Variants in FOXP1 observed in about 807,000 individuals in gnomAD.
FOXP1 encodes forkhead box P1, also known as forkhead box protein P1.
FOXP1 carries 15 observed loss-of-function variants against 98.2 expected under a neutral mutation model. The ratio of observed to expected loss-of-function variants is 0.15; its 90% confidence interval spans 0.10 to 0.24. The LOEUF is 0.24. Ranked by LOEUF, FOXP1 falls within the 10% of genes least tolerant of loss-of-function variation. The probability of loss-of-function intolerance (pLI) is 1.00; values close to 1 mark genes in which losing one functional copy is unlikely to be tolerated. For synonymous variants in FOXP1, 371 were observed against 314.5 expected, an observed-to-expected ratio of 1.18 and a Z score of -1.90; for missense variants, 633 against 848.5, an observed-to-expected ratio of 0.75 and a Z score of 3.15.
intron 4 of FOXP1, among the ~76,000 whole-genome samples, chr3:71,331,208 G>T (rs1025444781): frequency 6.6e-6 from 1 of 152,194 alleles, no homozygotes; most frequent in African/African-American, 2.4e-5. Context: ...GAGTGGGCTC[G>T]GCGGCCCCGC....
intron 3 of FOXP1, among the ~76,000 whole-genome samples, chr3:71,388,096 A>AT (rs901325212): frequency 1.3e-5 from 2 of 151,932 alleles, no homozygotes; most frequent in African/African-American, 4.8e-5. Context: ...TTCTAACTTT[A>AT]TTTTTTTTAA....
At chr3:71,443,476 G>A (rs576853233) in intron 3 of FOXP1, among the ~76,000 whole-genome samples, 32 of 152,294 alleles carry the variant, frequency 2.1e-4, no homozygotes, top group African/African-American at 3.8e-4. Context: ...CACGTCTGTC[G>A]GTCTAACAAG....
At chr3:71,001,592 G>T (rs531682358) in intron 12 of FOXP1, among the ~76,000 whole-genome samples, 3 of 152,222 alleles carry the variant, frequency 2.0e-5, no homozygotes, top group South Asian at 2.1e-4. Flanking sequence ...TACCAATGGT[G>T]GGGGGTGGGG....
chr3:71,221,773 A>C (rs576505065), intron 5 of FOXP1, among the ~76,000 whole-genome samples: 1 of 152,230 alleles, frequency 6.6e-6, no homozygotes, highest in African/African-American at 2.4e-5. Context: ...TCCTGTCTCT[A>C]TGTTTCTACC....
At chr3:70,965,799 A>T (rs2034636917) in intron 20 of FOXP1, 91 bp downstream of exon 20, 5 of 1,267,326 alleles carry the variant, frequency 3.9e-6, no homozygotes, top group Non-Finnish European at 4.6e-6. Flanking sequence ...CAGAAAAGGT[A>T]TATAAAGCCC....
Position 71,222,659 on chromosome 3 carries a change from T to A in FOXP1, c.-11-24267A>T, listed in dbSNP as rs570655544. The stretch of plus-strand genomic sequence containing the variant: ...GTCTCGAACTCCTGACCTCAGGTTA[T>A]CTGCCTGCCTTGGCCTCCCAAAGCC... On this transcript the variant is annotated intron_variant, in intron 5 of 20. Transcript: ENST00000649528. Among the ~76,000 whole-genome samples the A allele has an allele frequency of 9.2e-5, 14 of 152,346 alleles. No homozygotes were observed. The South Asian group carries it at 2.7e-3, about 29-fold the overall frequency.
chr3:71,055,048 C>CA (rs2050433734), intron 7 of FOXP1, among the ~76,000 whole-genome samples: 1 of 151,956 alleles, frequency 6.6e-6, no homozygotes, highest in African/African-American at 2.4e-5. Context: ...GAGCAGTAAG[C>CA]AAAAGGCAGA....
At chr3:71,400,468 G>A (rs1283293634) in intron 3 of FOXP1, among the ~76,000 whole-genome samples, 4 of 151,786 alleles carry the variant, frequency 2.6e-5, no homozygotes, top group Non-Finnish European at 2.9e-5. Flanking sequence ...ATCGATTCTC[G>A]TGCCTCAGCC....
chr3:71,044,261 G>A (rs925371759), intron 10 of FOXP1, among the ~76,000 whole-genome samples: 3 of 152,146 alleles, frequency 2.0e-5, no homozygotes, highest in South Asian at 2.1e-4. Context: ...ATAATAGTAC[G>A]AAGTTAAACA....
chr3:71,086,430 T>G (rs2055101960), intron 7 of FOXP1, among the ~76,000 whole-genome samples: 1 of 152,206 alleles, frequency 6.6e-6, no homozygotes, highest in Non-Finnish European at 1.5e-5. Context: ...GACAACAACA[T>G]ATACAAACAT....
intron 3 of FOXP1, among the ~76,000 whole-genome samples, chr3:71,462,512 C>T (rs958838908): frequency 1.3e-5 from 2 of 152,186 alleles, no homozygotes; most frequent in African/African-American, 4.8e-5. Flanking sequence ...TAAAGTTCTC[C>T]TTCTTGGTAA....
chr3:71,434,843 C>T (rs1016084081), intron 3 of FOXP1, among the ~76,000 whole-genome samples: 1 of 152,030 alleles, frequency 6.6e-6, no homozygotes, highest in Non-Finnish European at 1.5e-5. Context: ...TACACACATG[C>T]CTGCACACAC....
intron 5 of FOXP1, among the ~76,000 whole-genome samples, chr3:71,279,656 TTAGA>T (rs1175236791): frequency 6.6e-6 from 1 of 152,144 alleles, no homozygotes; most frequent in Non-Finnish European, 1.5e-5. Flanking sequence ...GTAGAAATGG[TTAGA>T]TAAACTGCGA....
At chr3:71,356,779 C>A (rs906151129) in intron 4 of FOXP1, among the ~76,000 whole-genome samples, 4 of 152,192 alleles carry the variant, frequency 2.6e-5, no homozygotes, top group Non-Finnish European at 5.9e-5. Context: ...CCTGTATCCA[C>A]AGGAGGCATC....
chr3:71,016,656 AACACAC>A lies in FOXP1; in HGVS notation c.870-1009_870-1004del, dbSNP rs4056100. Among the ~76,000 whole-genome samples the A allele has an allele frequency of 4.0e-3, 581 of 146,238 alleles. 2 individuals are homozygous for A. The highest frequency in any genetic ancestry group is 0.013 in the African/African-American group (500 of 39,760). On this transcript the variant is annotated intron_variant, in intron 11 of 20. Coordinates refer to ENST00000649528, the MANE Select transcript of FOXP1 (RefSeq NM_001349338.3). ...AAGCACAATGAATGATGATTACAAG[AACACAC>A]ACACACACACACACACACACACACA...
chr3:71,100,034 G>A (rs1463694660), intron 7 of FOXP1, among the ~76,000 whole-genome samples: 1 of 152,172 alleles, frequency 6.6e-6, no homozygotes, highest in African/African-American at 2.4e-5. Flanking sequence ...ACTTCCCAGA[G>A]AAAAAGACCT....
At chr3:71,202,943 G>T (rs1329341641) in intron 5 of FOXP1, among the ~76,000 whole-genome samples, 1 of 152,144 alleles carries the variant, frequency 6.6e-6, no homozygotes, top group Non-Finnish European at 1.5e-5. Flanking sequence ...CTTCGAGGAA[G>T]CTTGTCTCAG....
intron 3 of FOXP1, among the ~76,000 whole-genome samples, chr3:71,465,012 GA>G (rs1299048668): frequency 6.6e-6 from 1 of 152,092 alleles, no homozygotes; most frequent in African/African-American, 2.4e-5. Flanking sequence ...GCACTTAGAA[GA>G]TGGCCAGGCT....
intron 2 of FOXP1, among the ~76,000 whole-genome samples, chr3:71,546,456 A>C (rs1360037723): frequency 6.6e-6 from 1 of 152,156 alleles, no homozygotes; most frequent in Non-Finnish European, 1.5e-5. Flanking sequence ...GTGGTTCTTC[A>C]TAAGGTCCCT....
Sources: allele counts gnomAD v4.1 joint callset (sites outside exome capture counted in the v4.1 genomes callset), GRCh38; gene constraint gnomAD v4.1.1; transcripts MANE v1.5; gene names NCBI Gene and HGNC (gene_info 2026-07-23, HGNC 2026-07-21).